CNTROB: variants seen among roughly 807,000 people sequenced by gnomAD.
The protein encoded by CNTROB is centrobin.
A neutral mutation model predicts 115.7 loss-of-function variants in CNTROB; 82 were observed. The ratio of observed to expected loss-of-function variants is 0.71; its 90% CI spans 0.59 to 0.85. The LOEUF is 0.85. CNTROB is among the 40% of genes least tolerant of loss of function. CNTROB has a pLI of 0.00. For synonymous variants in CNTROB, 439 were observed against 456.4 expected, an observed-to-expected ratio of 0.96 and a Z score of 0.49; for missense variants, 1,014 against 1,144.4, an observed-to-expected ratio of 0.89 and a Z score of 1.64.
intron 7 of CNTROB, among the ~76,000 whole-genome samples, chr17:7,937,792 G>C (rs974632220): frequency 6.6e-6 from 1 of 151,916 alleles, no homozygotes; most frequent in Non-Finnish European, 1.5e-5. Context: ...GACAGAGTGA[G>C]ACTCCATCTC....
chr17:7,936,881 G>A, intron 6 of CNTROB, 64 bp downstream of exon 6: 1 of 831,494 alleles, frequency 1.2e-6, no homozygotes, highest in Non-Finnish European at 2.1e-6. Context: ...GAAAGGGGCA[G>A]AAATAGCTCT....
chr17:7,936,613 G>A (rs1018491577), intron 5 of CNTROB, 88 bp from the exon 6 acceptor site: 12 of 799,586 alleles, frequency 1.5e-5, no homozygotes, highest in Non-Finnish European at 2.7e-5. Flanking sequence ...GCTGACTGTT[G>A]GGAGAAGATG....
chr17:7,946,109 GT>G, intron 13 of CNTROB, 123 bp downstream of exon 13: 1 of 839,336 alleles, frequency 1.2e-6, no homozygotes, highest in Non-Finnish European at 1.9e-6. Flanking sequence ...GTGATCGCAA[GT>G]TGCAAGGAGC....
intron 9 of CNTROB, among the ~76,000 whole-genome samples, chr17:7,942,190 C>G (rs1274720809): frequency 1.3e-5 from 2 of 152,102 alleles, no homozygotes; most frequent in African/African-American, 4.8e-5. Context: ...TCTCTTGAGT[C>G]TGGGAGGTCA....
At chr17:7,949,226 C>T in intron 18 of CNTROB, 69 bp downstream of exon 18, 1 of 1,567,296 alleles carries the variant, frequency 6.4e-7, no homozygotes, top group Non-Finnish European at 8.8e-7. Context: ...CACCTCTGCA[C>T]ACTCCTGGCT....
Position 7,948,649 on chromosome 17 carries a change from T to G in CNTROB, c.2513+30T>G, listed in dbSNP as rs1182016427. ...AAGCCTGGGAGGAAGGAGGAAGGAT[T>G]CTCCGGGTGGAAGCTGGATTATGGG... On this transcript the variant is annotated intron_variant, in intron 17 of 18. Coordinates refer to ENST00000563694, the MANE Select transcript of CNTROB (RefSeq NM_053051.5). The surrounding 1 kb of genome is among the most constrained non-coding windows in gnomAD (Gnocchi z 4.4). 1 of 1,614,094 alleles carries G rather than the reference T, an allele frequency of 6.2e-7. No individual in the cohort carries two copies. The highest frequency in any genetic ancestry group is 1.3e-5 in the African/African-American group (1 of 75,008).
At position 7,943,043 on chromosome 17, in the gene CNTROB, C is replaced by T. The variant is rs1433229994; in HGVS notation, c.1312-348C>T. Among the ~76,000 whole-genome samples, 11 of 151,782 alleles carry T rather than the reference C, an allele frequency of 7.2e-5. No individual in the cohort carries two copies. Among genetic ancestry groups the T allele is most frequent in the Admixed American group, 6.6e-5 (1 of 15,242 alleles). ...GTCTCGATCTCCTGACCTCGTGATC[C>T]GCCCGTCTCGGCCTCCCAAAGTGCT... On this transcript the variant is annotated intron_variant, in intron 9 of 18. Coordinates refer to ENST00000563694, the MANE Select transcript of CNTROB (RefSeq NM_053051.5). The surrounding 1 kb of genome is among the most constrained non-coding windows in gnomAD (Gnocchi z 4.7).
rs942895360 is a variant in CNTROB at position 7,943,594 on chromosome 17, C to T, written c.1445+70C>T. ...TATCGTTAGTGCCAGGCCTGTGTTC[C>T]CTTCAATCCCTTTGCCATGGTCCAG... is the stretch of plus-strand genomic sequence containing the variant. On this transcript the variant is annotated intron_variant, in intron 10 of 18. Transcript: ENST00000563694. The surrounding 1 kb of genome is among the most constrained non-coding windows in gnomAD (Gnocchi z 4.7). 12 of 1,500,462 alleles carry T rather than the reference C, an allele frequency of 8.0e-6. No homozygotes were observed. Among genetic ancestry groups the T allele is most frequent in the Non-Finnish European group, 1.0e-5 (11 of 1,104,574 alleles). 92.9% of individuals were successfully genotyped at this position (1,500,462 alleles called of 1,614,324 possible).
At chr17:7,934,265 T>C (rs780328436) in intron 2 of CNTROB, 43 bp downstream of exon 2, 2 of 1,562,096 alleles carry the variant, frequency 1.3e-6, no homozygotes, top group Non-Finnish European at 1.8e-6. Flanking sequence ...AGAACCTAGA[T>C]GTAAGGGGTG....
rs137912818 is a variant in CNTROB, at chr17:7,934,471, C to A, written c.362C>A (p.Pro121His). The A allele has an allele frequency of 6.2e-7, 1 of 1,606,804 alleles. No homozygotes were observed. The highest frequency in any genetic ancestry group is 1.3e-5 in the African/African-American group (1 of 74,764). Residue 121 changes from proline to histidine, a missense_variant, in exon 3 of 19, where the codon CCT becomes CAT. Coordinates refer to ENST00000563694, the MANE Select transcript of CNTROB (RefSeq NM_053051.5). ...TCCCTCTGGCTGCCTGCAGGGGATC[C>A]TCTCATTCCTGGCGCTGGCTCAGAG... Reference protein sequence around the residue: ...QTSRDTAYRDPLIPGAGSERR... With the variant: ...QTSRDTAYRDHLIPGAGSERR...
chr17:7,935,761 A>G (rs1025996918), intron 4 of CNTROB: 2 of 161,370 alleles, frequency 1.2e-5, no homozygotes, highest in African/African-American at 4.8e-5. Context: ...AATATACATA[A>G]CACAGAAACA....
chr17:7,947,743 A>C (rs1974724523), intron 14 of CNTROB, 21 bp downstream of exon 14: 1 of 1,603,494 alleles, frequency 6.2e-7, no homozygotes, highest in African/African-American at 1.3e-5. Context: ...TTCCACCCAG[A>C]CTAGCTCACT....
chr17:7,934,411 C>T, intron 2 of CNTROB, 54 bp from the exon 3 acceptor site: 1 of 1,542,036 alleles, frequency 6.5e-7, no homozygotes, highest in Non-Finnish European at 9.0e-7. Flanking sequence ...TCAGGTGGCC[C>T]CTGTTTTTGT....
Position 7,932,360 on chromosome 17 carries a change from G to C in CNTROB, c.-720G>C, listed in dbSNP as rs541158099. The C allele has an allele frequency of 6.0e-6, 1 of 166,814 alleles. No homozygotes were observed. The highest frequency in any genetic ancestry group is 2.4e-5 in the African/African-American group (1 of 41,692). The allele number at this position is 166,814 out of a possible 1,614,324, so 10.3% of individuals were successfully genotyped here. ...GTAGGCGGAACCAGGTGGTCGTCGGGGCAGAGGATCTCGGGCTAGGCTTGA... is the reference window on the plus strand; with the variant it reads ...GTAGGCGGAACCAGGTGGTCGTCGGCGCAGAGGATCTCGGGCTAGGCTTGA... On this transcript the variant is annotated 5_prime_UTR_variant, in exon 1 of 19. Transcript: ENST00000563694.
At chr17:7,938,063 C>T (rs1384915083) in intron 7 of CNTROB, among the ~76,000 whole-genome samples, 1 of 135,442 alleles carries the variant, frequency 7.4e-6, no homozygotes, top group Non-Finnish European at 1.5e-5. Context: ...AGTGCAGTGG[C>T]ACAATCTCAG....
intron 4 of CNTROB, among the ~76,000 whole-genome samples, chr17:7,935,513 A>AT (rs1428956035): frequency 1.3e-5 from 2 of 151,630 alleles, no homozygotes; most frequent in East Asian, 3.9e-4. Flanking sequence ...AAAAAAAAAA[A>AT]CTAAAAAAGA....
At chr17:7,949,038 C>T (rs770280633) in intron 17 of CNTROB, 47 bp from the exon 18 acceptor site, 22 of 1,612,946 alleles carry the variant, frequency 1.4e-5, no homozygotes, top group African/African-American at 5.3e-5. Flanking sequence ...ATTGGGTAAC[C>T]GGGGGGACGG....
intron 9 of CNTROB, 119 bp downstream of exon 9, chr17:7,940,361 A>G (rs1973716750): frequency 1.1e-6 from 1 of 948,296 alleles, no homozygotes; most frequent in Non-Finnish European, 1.5e-6. Context: ...TAATTCCATT[A>G]ACAGTTTCTA....
intron 9 of CNTROB, 76 bp downstream of exon 9, chr17:7,940,318 T>C (rs1973710950): frequency 1.5e-6 from 2 of 1,349,396 alleles, no homozygotes; most frequent in Non-Finnish European, 2.0e-6. Flanking sequence ...TCAGGAGTTG[T>C]GGCAGACACT....
Sources: gnomAD v4.1 joint callset for allele counts (sites outside exome capture counted in the v4.1 genomes callset) on GRCh38, gnomAD v4.1.1 for gene constraint, Gnocchi (gnomAD v3.1) non-coding constraint, MANE v1.5 for transcripts, NCBI Gene and HGNC (gene_info 2026-07-23, HGNC 2026-07-21) for gene names.